Variants in FBP2 observed in about 807,000 individuals in gnomAD.
FBP2 encodes fructose-1,6-bisphosphatase isozyme 2.
Under a neutral mutation model 31.6 loss-of-function variants are expected in FBP2, and 27 were observed. That is an observed-to-expected ratio of 0.85 (90% CI 0.63 to 1.18). The LOEUF (loss-of-function observed/expected upper bound fraction) is 1.18, where lower values mean the gene tolerates loss of function less well. Ranked by LOEUF, FBP2 falls within the 50% of genes most tolerant of loss-of-function variation. The pLI is 0.00. For missense variants in FBP2, 421 were observed against 436.1 expected, an observed-to-expected ratio of 0.97 and a Z score of 0.31; for synonymous variants, 168 against 179.8, an observed-to-expected ratio of 0.93 and a Z score of 0.53.
At chr9:94,586,364 T>C (rs1827428108) in intron 2 of FBP2, among the ~76,000 whole-genome samples, 1 of 151,992 alleles carries the variant, frequency 6.6e-6, no homozygotes, top group African/African-American at 2.4e-5. Context: ...AGCCGGGCAG[T>C]AGAGCAAGAC....
intron 3 of FBP2, among the ~76,000 whole-genome samples, chr9:94,575,724 A>C (rs1162777497): frequency 6.6e-6 from 1 of 152,180 alleles, no homozygotes; most frequent in East Asian, 1.9e-4. Flanking sequence ...TGATAGTCCC[A>C]CCAATGAGGT....
chr9:94,584,699 C>A (rs761457743), intron 2 of FBP2, 30 bp from the exon 3 acceptor site: 2 of 1,360,184 alleles, frequency 1.5e-6, no homozygotes, highest in South Asian at 1.2e-5. Flanking sequence ...ACCAACTGAT[C>A]AGCACATCTT....
chr9:94,563,157 T>G (rs371399206), intron 6 of FBP2, among the ~76,000 whole-genome samples, 185 bp downstream of exon 6: 14 of 152,288 alleles, frequency 9.2e-5, no homozygotes, highest in South Asian at 4.1e-4. Context: ...GCCTGTCGCC[T>G]TCTTCTTCAA....
chr9:94,585,731 T>G lies in FBP2; in HGVS notation c.334-1062A>C, dbSNP rs1410734331. On this transcript the variant is annotated intron_variant, in intron 2 of 6. Coordinates refer to ENST00000375337, the MANE Select transcript of FBP2 (RefSeq NM_003837.4). ...TAGAGATCCTGGGCTCAAGCAATCC[T>G]CCCACCTCAGACTCCCAAGTAGCTG... 2.6e-5 allele frequency among the ~76,000 whole-genome samples: 4 copies of G among 152,174 alleles called. No individual in the cohort carries two copies. The East Asian group carries it at 7.7e-4, about 29-fold the overall frequency.
chr9:94,571,542 C>A lies in FBP2; in HGVS notation c.487G>T (p.Ala163Ser). Reference sequence around the variant, plus strand: ...GCACTACCGTACAGCGCATAACCTGCGGCCACAATATTGCGGCCACACTGC... The same window carrying A: ...GCACTACCGTACAGCGCATAACCTGAGGCCACAATATTGCGGCCACACTGC... ...ALQCGRNIVA[A>S]GYALYGSATL... The change falls in exon 4 of 7, where the codon GCA becomes TCA. Residue 163 changes from alanine (A) to serine (S), a missense_variant. By Grantham distance (99) the Ala-to-Ser change is moderately conservative. Coordinates refer to ENST00000375337, the MANE Select transcript of FBP2 (RefSeq NM_003837.4). The A allele has an allele frequency of 6.2e-7, 1 of 1,613,788 alleles. No individual in the cohort carries two copies. The highest frequency in any genetic ancestry group is 8.5e-7 in the Non-Finnish European group (1 of 1,179,752).
At chr9:94,560,959 A>T (rs902978374) in intron 6 of FBP2, among the ~76,000 whole-genome samples, 1 of 151,930 alleles carries the variant, frequency 6.6e-6, no homozygotes, top group Non-Finnish European at 1.5e-5. Flanking sequence ...GGTGTCCAGA[A>T]GGGTGTAAAA....
chr9:94,576,564 A>T (rs1325367796), intron 3 of FBP2: 1 of 152,168 alleles, frequency 6.6e-6, no homozygotes. Context: ...AATGCTAGGG[A>T]GTCTCCTGCA....
intron 6 of FBP2, among the ~76,000 whole-genome samples, 180 bp from the exon 7 acceptor site, chr9:94,559,312 G>C (rs371689968): frequency 6.6e-6 from 1 of 152,208 alleles, no homozygotes; most frequent in African/African-American, 2.4e-5. Flanking sequence ...AGATGCATCA[G>C]ATGGCACTCA....
chr9:94,563,570 A>G, intron 5 of FBP2, 109 bp from the exon 6 acceptor site: 2 of 1,195,308 alleles, frequency 1.7e-6, no homozygotes, highest in South Asian at 1.4e-5. Context: ...TTGAATCCCT[A>G]TCCTCCACCC....
chr9:94,579,188 G>A (rs1278350430), intron 3 of FBP2, among the ~76,000 whole-genome samples: 1 of 149,854 alleles, frequency 6.7e-6, no homozygotes, highest in African/African-American at 2.5e-5. Context: ...AACGAGGTCA[G>A]GAGATGGAGA....
At chr9:94,571,419 C>T in intron 4 of FBP2, 43 bp downstream of exon 4, 1 of 1,544,900 alleles carries the variant, frequency 6.5e-7, no homozygotes, top group Non-Finnish European at 8.8e-7. Flanking sequence ...CACAGAGGCC[C>T]ATGGAGTCCC....
chr9:94,582,242 A>G (rs988370034), intron 3 of FBP2, among the ~76,000 whole-genome samples: 1 of 152,222 alleles, frequency 6.6e-6, no homozygotes, highest in Non-Finnish European at 1.5e-5. Flanking sequence ...ATTCCACCCC[A>G]AAATAAACAT....
At chr9:94,583,234 G>A (rs888847354) in intron 3 of FBP2, among the ~76,000 whole-genome samples, 7 of 152,290 alleles carry the variant, frequency 4.6e-5, no homozygotes, top group East Asian at 1.9e-4. Context: ...GGACCATGAA[G>A]TATAAGTAAA....
chr9:94,588,178 A>C (rs1392067145), intron 1 of FBP2, among the ~76,000 whole-genome samples: 1 of 152,078 alleles, frequency 6.6e-6, no homozygotes, highest in East Asian at 1.9e-4. Flanking sequence ...GTCTTTGTGG[A>C]TTGTCCTCAC....
chr9:94,590,631 G>A (rs1178646897), intron 1 of FBP2, among the ~76,000 whole-genome samples: 1 of 152,208 alleles, frequency 6.6e-6, no homozygotes, highest in Non-Finnish European at 1.5e-5. Context: ...GATCTTCGCG[G>A]TGAGTGTTAC....
At chr9:94,593,389 G>T (rs1205628871) in intron 1 of FBP2, among the ~76,000 whole-genome samples, 168 bp downstream of exon 1, 4 of 152,236 alleles carry the variant, frequency 2.6e-5, no homozygotes, top group South Asian at 2.1e-4. Context: ...CAAGTCAAAG[G>T]CCCCTTTATC....
At chr9:94,561,304 AGG>A (rs1359095282) in intron 6 of FBP2, among the ~76,000 whole-genome samples, 1 of 148,722 alleles carries the variant, frequency 6.7e-6, no homozygotes, top group African/African-American at 2.5e-5. Context: ...CAAAATGCCC[AGG>A]GCTTCATGGC....
In FBP2 at chr9:94,571,452, C is replaced by T. The variant is rs746673929; in HGVS notation, c.567+10G>A. 6.2e-7 allele frequency: 1 copy of T among 1,605,714 alleles called. No homozygotes were observed. The highest frequency in any genetic ancestry group is 1.1e-5 in the South Asian group (1 of 89,372). On this transcript the variant is annotated intron_variant, in intron 4 of 6. Transcript: ENST00000375337. ...CCCCAGGCACAGATGATGCCATATT[C>T]TGTACCTACCGGGTCAAGCATGAAG...
chr9:94,565,064 T>C (rs1827165760), intron 5 of FBP2, among the ~76,000 whole-genome samples: 1 of 152,162 alleles, frequency 6.6e-6, no homozygotes, highest in Non-Finnish European at 1.5e-5. Flanking sequence ...TGTACAATTA[T>C]TATATGTCAA....
Sources: allele counts gnomAD v4.1 joint callset (sites outside exome capture counted in the v4.1 genomes callset), GRCh38; gene constraint gnomAD v4.1.1; transcripts MANE v1.5; gene names NCBI Gene and HGNC (gene_info 2026-07-23, HGNC 2026-07-21).